The following ALPK1 variants were observed in gnomAD, a reference collection of about 807,000 sequenced individuals.
ALPK1 encodes the protein alpha-protein kinase 1.
ALPK1 carries 110 observed loss-of-function variants against 120.6 expected under a neutral mutation model. The ratio of observed to expected loss-of-function variants is 0.91; its 90% CI spans 0.78 to 1.07. The LOEUF is 1.07. ALPK1 is among the 50% of genes least tolerant of loss of function. ALPK1 has a pLI of 0.00. For synonymous variants in ALPK1, 582 were observed against 560.3 expected, an observed-to-expected ratio of 1.04 and a Z score of -0.55; for missense variants, 1,498 against 1,483.9, an observed-to-expected ratio of 1.01 and a Z score of -0.16.
chr4:112,314,887 T>A (rs1253035221), intron 1 of ALPK1, among the ~76,000 whole-genome samples: 2 of 146,010 alleles, frequency 1.4e-5, no homozygotes, highest in Non-Finnish European at 3.0e-5. Flanking sequence ...TTTTTTTTTT[T>A]TTTTTTTTTT....
intron 2 of ALPK1, chr4:112,316,199 TTC>T (rs1204574043): frequency 2.0e-5 from 3 of 152,192 alleles, no homozygotes; most frequent in African/African-American, 7.2e-5. Flanking sequence ...TAACTCCCAT[TTC>T]TCTCTTCCCC....
At position 112,431,413 on chromosome 4, in the gene ALPK1, C is replaced by T; in HGVS notation, c.1866C>T (p.Ser622=). The T allele has an allele frequency of 6.2e-7, 1 of 1,614,196 alleles. No homozygotes were observed. The highest frequency in any genetic ancestry group is 1.1e-5 in the South Asian group (1 of 91,080). ...AACATCTGGTGGACACTCAGTGTTC[C>T]ACTGCCTTGTCTGAGGAGCTAGAGA... ...GKEHLVDTQC[S]TALSEELEND... Residue 622 remains serine, a synonymous_variant, in exon 11 of 16, where the codon TCC becomes TCT. Transcript: ENST00000650871.
intron 3 of ALPK1, among the ~76,000 whole-genome samples, chr4:112,379,027 A>G (rs373028394): frequency 6.6e-6 from 1 of 152,198 alleles, no homozygotes; most frequent in East Asian, 1.9e-4. Context: ...AATGGCAGGT[A>G]CTTGGCACCT....
intron 2 of ALPK1, chr4:112,357,478 A>G: frequency 2.7e-6 from 2 of 727,666 alleles, no homozygotes; most frequent in Admixed American, 2.1e-5. Context: ...GAAGGTGCTG[A>G]GCTACTGGTG....
chr4:112,423,794 G>A lies in ALPK1; in HGVS notation c.476-150G>A, dbSNP rs567027704. 3.6e-5 allele frequency: 28 copies of A among 773,678 alleles called. 1 individual carries two copies. In the South Asian group the frequency reaches 3.9e-4, roughly 11 times the overall value. 47.9% of individuals were successfully genotyped at this position (773,678 alleles called of 1,614,324 possible). On this transcript the variant is annotated intron_variant, in intron 5 of 15. Transcript: ENST00000650871. ...CTTTCTTTTCAGTTTTATAGATGAT[G>A]TCATTGTTGATTTTAAATTATAAAA...
chr4:112,433,555 A>G (rs924432748), intron 11 of ALPK1, among the ~76,000 whole-genome samples: 4 of 152,204 alleles, frequency 2.6e-5, no homozygotes, highest in African/African-American at 9.7e-5. Flanking sequence ...GAACAGCCCA[A>G]TGTCACTGCC....
At chr4:112,363,562 A>G (rs1731008054) in intron 2 of ALPK1, among the ~76,000 whole-genome samples, 2 of 152,180 alleles carry the variant, frequency 1.3e-5, no homozygotes, top group Admixed American at 1.3e-4. Flanking sequence ...TCAAACAACT[A>G]CTACTAGACC....
At chr4:112,356,510 GAACACCTCC>G (rs1730622271) in intron 2 of ALPK1, 1 of 883,912 alleles carries the variant, frequency 1.1e-6, no homozygotes, top group Non-Finnish European at 1.9e-6. Context: ...ACAAAATTCA[GAACACCTCC>G]TACCGGCCTG....
rs1047856414 is a variant in ALPK1 at position 112,306,128 on chromosome 4, A to G, written c.-153+8659A>G. Reference sequence around the variant, plus strand: ...TTGATCATGGTGGATAAGCTTTTTGATGCACTGCTGGATTTGGTTTGCCAG... The same window carrying G: ...TTGATCATGGTGGATAAGCTTTTTGGTGCACTGCTGGATTTGGTTTGCCAG... On this transcript the variant is annotated intron_variant, in intron 1 of 15. Coordinates refer to ENST00000650871, the MANE Select transcript of ALPK1 (RefSeq NM_025144.4). Among the ~76,000 whole-genome samples, 3 of 151,966 alleles carry G rather than the reference A, an allele frequency of 2.0e-5. No individual in the cohort carries two copies. In the East Asian group the frequency reaches 5.8e-4, roughly 29 times the overall value.
At chr4:112,426,212 CTG>C (rs1336155377) in intron 7 of ALPK1, 1 of 249,718 alleles carries the variant, frequency 4.0e-6, no homozygotes, top group Non-Finnish European at 7.5e-6. Flanking sequence ...TTGTAAAAAA[CTG>C]AGATAACTAC....
rs1299234429 is a variant in ALPK1 at position 112,412,073 on chromosome 4, T to TC, written c.475+52dup. Reference sequence around the variant, plus strand: ...CCCCCGCGTCCTCAGTGTCTTCTGGTCCCCTTCCCTCCCGAGCTACTTGAC... The same window carrying TC: ...CCCCCGCGTCCTCAGTGTCTTCTGGTCCCCCTTCCCTCCCGAGCTACTTGAC... On this transcript the variant is annotated intron_variant, in intron 5 of 15. Coordinates refer to ENST00000650871, the MANE Select transcript of ALPK1 (RefSeq NM_025144.4). 3 of 1,602,726 alleles carry TC rather than the reference T, an allele frequency of 1.9e-6. No individual in the cohort carries two copies. The Admixed American group carries it at 5.0e-5, about 27-fold the overall frequency.
chr4:112,359,187 C>G, intron 2 of ALPK1: 1 of 615,254 alleles, frequency 1.6e-6, no homozygotes, highest in Non-Finnish European at 3.0e-6. Context: ...CCCCAGGCCA[C>G]CCCCCACAGG....
rs192744108 is a variant in ALPK1, at chr4:112,348,904, G to A, written c.-100-28774G>A. On this transcript the variant is annotated intron_variant, in intron 2 of 15. Coordinates refer to ENST00000650871, the MANE Select transcript of ALPK1 (RefSeq NM_025144.4). ...GGAGCAAAGGAGAAGATGAGGGGCTGTGGGTGTTTCTGTCTGATCTGTAAT... is the reference window on the plus strand; with the variant it reads ...GGAGCAAAGGAGAAGATGAGGGGCTATGGGTGTTTCTGTCTGATCTGTAAT... Among the ~76,000 whole-genome samples, 7 of 152,358 alleles carry A rather than the reference G, an allele frequency of 4.6e-5. No homozygotes were observed. The East Asian group carries it at 1.4e-3, about 29-fold the overall frequency.
chr4:112,320,893 C>CTTTTT (rs1430803675), intron 2 of ALPK1, among the ~76,000 whole-genome samples: 3 of 119,204 alleles, frequency 2.5e-5, no homozygotes, highest in African/African-American at 1.1e-4. Context: ...TCACCCATTT[C>CTTTTT]TTTCTTTTTT....
intron 1 of ALPK1, among the ~76,000 whole-genome samples, chr4:112,315,234 T>C (rs1395846464): frequency 6.6e-6 from 1 of 152,172 alleles, no homozygotes; most frequent in African/African-American, 2.4e-5. Flanking sequence ...CAAACTTCTT[T>C]AGCAACATTT....
chr4:112,421,121 C>T (rs985143957), intron 5 of ALPK1, among the ~76,000 whole-genome samples: 20 of 152,144 alleles, frequency 1.3e-4, no homozygotes, highest in Admixed American at 1.2e-3. Flanking sequence ...CATGAGCCAC[C>T]GTGCCCGGCC....
chr4:112,305,189 C>T (rs1727981974), intron 1 of ALPK1, among the ~76,000 whole-genome samples: 1 of 151,994 alleles, frequency 6.6e-6, no homozygotes, highest in African/African-American at 2.4e-5. Flanking sequence ...AGCATGATGC[C>T]TCCAGCTTTG....
chr4:112,330,453 C>CTT (rs1351006770), intron 2 of ALPK1, among the ~76,000 whole-genome samples: 1 of 152,148 alleles, frequency 6.6e-6, no homozygotes, highest in African/African-American at 2.4e-5. Context: ...AAGGTATGAA[C>CTT]ATATGCACTA....
chr4:112,339,934 T>C (rs1729786568), intron 2 of ALPK1, among the ~76,000 whole-genome samples: 1 of 152,258 alleles, frequency 6.6e-6, no homozygotes, highest in African/African-American at 2.4e-5. Context: ...GAAAAGATTG[T>C]GGATAGACAC....
Sources: gnomAD v4.1 joint callset for allele counts (sites outside exome capture counted in the v4.1 genomes callset) on GRCh38, gnomAD v4.1.1 for gene constraint, MANE v1.5 for transcripts, NCBI Gene and HGNC (gene_info 2026-07-23, HGNC 2026-07-21) for gene names.